TBC1D31: variants seen among roughly 807,000 people sequenced by gnomAD.
The protein encoded by TBC1D31 is WD repeat domain 67.
Under a neutral mutation model 132.9 loss-of-function variants are expected in TBC1D31, and 99 were observed. That is an observed-to-expected ratio of 0.74 (90% CI 0.63 to 0.88). The LOEUF (loss-of-function observed/expected upper bound fraction) is 0.88. Ranked by LOEUF, TBC1D31 falls within the 40% of genes least tolerant of loss-of-function variation. The probability of loss-of-function intolerance (pLI) is 0.00; values close to 1 mark genes in which losing one functional copy is unlikely to be tolerated. For synonymous variants in TBC1D31, 385 were observed against 419.4 expected, an observed-to-expected ratio of 0.92 and a Z score of 1.00; for missense variants, 1,134 against 1,256.6, an observed-to-expected ratio of 0.90 and a Z score of 1.48.
intron 7 of TBC1D31, chr8:123,104,306 A>G (rs1817717773): frequency 6.6e-6 from 1 of 152,156 alleles, no homozygotes; most frequent in Non-Finnish European, 1.5e-5. Flanking sequence ...AATGTTCCCC[A>G]AGCGTAGCAT....
intron 4 of TBC1D31, among the ~76,000 whole-genome samples, chr8:123,092,670 GAC>G (rs1390764297): frequency 1.3e-5 from 2 of 151,896 alleles, no homozygotes; most frequent in Non-Finnish European, 1.5e-5. Flanking sequence ...TCTTTTTGAA[GAC>G]AGAGTCTTGC....
chr8:123,157,676 C>A, the TBC1D31 span, among the ~76,000 whole-genome samples: 1 of 151,904 alleles, frequency 6.6e-6, no homozygotes, highest in Non-Finnish European at 1.5e-5. Flanking sequence ...AGGAGTTGGG[C>A]GAAGATGCAT....
chr8:123,080,905 T>G (rs1456374057), intron 2 of TBC1D31, among the ~76,000 whole-genome samples: 2 of 152,204 alleles, frequency 1.3e-5, no homozygotes, highest in Non-Finnish European at 2.9e-5. Context: ...CAAAGTGGGA[T>G]GTTCGGGATG....
chr8:123,082,202 T>C (rs1815232897), intron 2 of TBC1D31, among the ~76,000 whole-genome samples: 1 of 152,168 alleles, frequency 6.6e-6, no homozygotes, highest in East Asian at 1.9e-4. Flanking sequence ...TGCCCAGTAC[T>C]CTACTGAGCA....
chr8:123,150,556 C>T (rs72722026), intron 21 of TBC1D31, among the ~76,000 whole-genome samples: 146 of 152,320 alleles, frequency 9.6e-4, no homozygotes, highest in South Asian at 2.9e-3. Context: ...CTCCAACAAC[C>T]ATTGAAAACA....
At chr8:123,150,486 GTTT>G (rs1822665125) in intron 21 of TBC1D31, among the ~76,000 whole-genome samples, 1 of 152,176 alleles carries the variant, frequency 6.6e-6, no homozygotes. Context: ...TCTCAGCGTT[GTTT>G]TTCAAAGCTA....
intron 4 of TBC1D31, 55 bp downstream of exon 4, chr8:123,084,395 C>A: frequency 1.3e-6 from 2 of 1,509,758 alleles, no homozygotes; most frequent in South Asian, 2.3e-5. Context: ...ATTTCTTGGT[C>A]AACAGGATGT....
intron 5 of TBC1D31, 48 bp from the exon 6 acceptor site, chr8:123,097,234 T>C (rs1816918721): frequency 6.2e-7 from 1 of 1,606,928 alleles, no homozygotes; most frequent in Non-Finnish European, 8.5e-7. Context: ...ACAGTGCTGC[T>C]ACAAACAATT....
intron 4 of TBC1D31, among the ~76,000 whole-genome samples, chr8:123,092,598 C>T (rs1013451262): frequency 7.9e-5 from 12 of 151,902 alleles, no homozygotes; most frequent in African/African-American, 2.9e-4. Flanking sequence ...TACATACACC[C>T]CATTTTGTGG....
At chr8:123,145,459 C>T (rs989711614) in intron 20 of TBC1D31, among the ~76,000 whole-genome samples, 9 of 152,144 alleles carry the variant, frequency 5.9e-5, no homozygotes, top group African/African-American at 2.2e-4. Context: ...CTCAGAACAA[C>T]AGTATATTCA....
intron 5 of TBC1D31, 68 bp from the exon 6 acceptor site, chr8:123,097,214 G>C: frequency 6.5e-7 from 1 of 1,549,814 alleles, no homozygotes; most frequent in Non-Finnish European, 8.8e-7. Flanking sequence ...ATCATAGAAA[G>C]TTCTGTCGGA....
chr8:123,141,811 C>A (rs1460701105), intron 18 of TBC1D31, among the ~76,000 whole-genome samples: 4 of 146,174 alleles, frequency 2.7e-5, no homozygotes, highest in African/African-American at 1.0e-4. Flanking sequence ...AAGTTCTTAA[C>A]CTTGGCTGTA....
the TBC1D31 span, among the ~76,000 whole-genome samples, chr8:123,159,351 T>A: frequency 6.7e-6 from 1 of 149,648 alleles, no homozygotes; most frequent in African/African-American, 2.5e-5. Context: ...ACAGGCATAA[T>A]GGTCTGTCCA....
intron 3 of TBC1D31, chr8:123,083,130 C>G (rs2129848234): frequency 5.2e-6 from 1 of 192,522 alleles, no homozygotes; most frequent in South Asian, 1.2e-4. Flanking sequence ...GGAAGAGAAA[C>G]ATGGGGTGGA....
chr8:123,072,732 A>T lies in TBC1D31; in HGVS notation c.-38A>T. 6.5e-7 allele frequency: 1 copy of T among 1,546,360 alleles called. No individual in the cohort carries two copies. The highest frequency in any genetic ancestry group is 8.7e-7 in the Non-Finnish European group (1 of 1,143,640). ...CTGCCGGGAAGGCGCTGGGACGGTT[A>T]CCCAGCGGGCCGCCGGCGGTCGTGG... is the stretch of plus-strand genomic sequence containing the variant. On this transcript the variant is annotated 5_prime_UTR_variant, in exon 1 of 22. Coordinates refer to ENST00000287380, the MANE Select transcript of TBC1D31 (RefSeq NM_145647.4).
intron 10 of TBC1D31, among the ~76,000 whole-genome samples, chr8:123,112,572 C>T (rs1191538528): frequency 6.6e-6 from 1 of 152,042 alleles, no homozygotes; most frequent in Non-Finnish European, 1.5e-5. Context: ...AAATATTCAT[C>T]TTTTTTTTAT....
intron 7 of TBC1D31, 99 bp from the exon 8 acceptor site, chr8:123,105,189 A>T: frequency 1.2e-6 from 1 of 822,888 alleles, no homozygotes; most frequent in Non-Finnish European, 1.7e-6. Context: ...TCTACATATT[A>T]AGGCATGTTA....
chr8:123,134,354 G>A (rs1820892782), intron 17 of TBC1D31, 148 bp downstream of exon 17: 1 of 607,332 alleles, frequency 1.6e-6, no homozygotes, highest in Non-Finnish European at 2.9e-6. Context: ...GCAATATAGT[G>A]AGACCCCATC....
At chr8:123,143,038 C>A (rs955685626) in intron 19 of TBC1D31, among the ~76,000 whole-genome samples, 3 of 152,158 alleles carry the variant, frequency 2.0e-5, no homozygotes, top group African/African-American at 7.2e-5. Flanking sequence ...GAAATGCCAT[C>A]TTTCAGCCTT....
Sources: allele counts gnomAD v4.1 joint callset (sites outside exome capture counted in the v4.1 genomes callset), GRCh38; gene constraint gnomAD v4.1.1; transcripts MANE v1.5; gene names NCBI Gene and HGNC (gene_info 2026-07-23, HGNC 2026-07-21).